Variants in MALRD1 observed in about 807,000 individuals in gnomAD.
MALRD1 encodes MAM and LDL-receptor class A domain-containing protein 1.
MALRD1 carries 247 observed loss-of-function variants against 242.1 expected under a neutral mutation model. The ratio of observed to expected loss-of-function variants is 1.02; its 90% confidence interval spans 0.92 to 1.13. The LOEUF (loss-of-function observed/expected upper bound fraction) is 1.13, where lower values mean the gene tolerates loss of function less well. MALRD1 is among the 50% of genes most tolerant of loss of function. The pLI is 0.00. For missense variants in MALRD1, 2,989 were observed against 2,533.1 expected (o/e 1.18, Z -3.86); for synonymous variants, 995 against 866.6 (o/e 1.15, Z -2.60).
At chr10:19,204,527 TA>T (rs1302010814) in intron 16 of MALRD1, 114 bp downstream of exon 16, 14 of 679,880 alleles carry the variant, frequency 2.1e-5, no homozygotes, top group Middle Eastern at 3.1e-4. Flanking sequence ...GGTTTTACTC[TA>T]AAAATAGTAT....
rs1280307480 is a variant in MALRD1, at chr10:19,152,252, A to C, written c.1559-2823A>C. Among the ~76,000 whole-genome samples, 3 of 152,202 alleles carry C rather than the reference A, an allele frequency of 2.0e-5. No individual in the cohort carries two copies. The East Asian group carries it at 5.8e-4, about 29-fold the overall frequency. On this transcript the variant is annotated intron_variant, in intron 11 of 39. Transcript: ENST00000454679. ...TTGGCTCATTGTTTAGAGCAGGCTG[A>C]TAGGAAGATAAATCAAGGGACGTGT... is the stretch of plus-strand genomic sequence containing the variant.
At chr10:19,291,910 C>T (rs910218133) in intron 21 of MALRD1, among the ~76,000 whole-genome samples, 18 of 151,366 alleles carry the variant, frequency 1.2e-4, no homozygotes, top group African/African-American at 3.9e-4. Flanking sequence ...CTTGGTGAAA[C>T]CCCATCTCTA....
intron 13 of MALRD1, among the ~76,000 whole-genome samples, chr10:19,167,997 G>A (rs1834772294): frequency 6.6e-6 from 1 of 152,158 alleles, no homozygotes; most frequent in Admixed American, 6.5e-5. Flanking sequence ...ACAGAATTCC[G>A]CTGTTTTTAT....
intron 14 of MALRD1, among the ~76,000 whole-genome samples, chr10:19,196,364 G>A (rs1405876780): frequency 6.6e-6 from 1 of 151,574 alleles, no homozygotes; most frequent in Non-Finnish European, 1.5e-5. Context: ...TTTTAACTCA[G>A]TCCAGTGAGG....
intron 28 of MALRD1, among the ~76,000 whole-genome samples, chr10:19,434,234 G>A (rs544418308): frequency 3.2e-4 from 49 of 152,164 alleles, no homozygotes; most frequent in Non-Finnish European, 4.7e-4. Flanking sequence ...TGTTTAAAAC[G>A]ATTTTATAAA....
At chr10:19,205,892 A>C (rs915297094) in intron 17 of MALRD1, among the ~76,000 whole-genome samples, 15 of 143,498 alleles carry the variant, frequency 1.0e-4, no homozygotes, top group Admixed American at 7.2e-4. Context: ...TGCGGAAAAT[A>C]AGTTAGAAGT....
At chr10:19,626,493 A>G (rs1010342292) in intron 36 of MALRD1, among the ~76,000 whole-genome samples, 1 of 152,002 alleles carries the variant, frequency 6.6e-6, no homozygotes, top group African/African-American at 2.4e-5. Flanking sequence ...TAGATTGAAA[A>G]CAGGGTTCAG....
chr10:19,614,244 T>C (rs963025317), intron 35 of MALRD1, among the ~76,000 whole-genome samples: 2 of 152,072 alleles, frequency 1.3e-5, no homozygotes, highest in Non-Finnish European at 2.9e-5. Flanking sequence ...ACTCAGCTAA[T>C]AAATTGAGCT....
rs953264973 is a variant in MALRD1 at position 19,171,839 on chromosome 10, CAT to C, written c.1831-3363_1831-3362del. ...TTGGTTATATATATACATATATACA[CAT>C]ATATACACATACATATATATACATA... On this transcript the variant is annotated intron_variant, in intron 13 of 39. Transcript: ENST00000454679. Among the ~76,000 whole-genome samples the C allele has an allele frequency of 5.6e-5, 8 of 142,670 alleles. No individual in the cohort carries two copies. The South Asian group carries it at 1.1e-3, about 19-fold the overall frequency. The allele number at this position is 142,670 out of a possible 152,430, so 93.6% of individuals were successfully genotyped here.
chr10:19,503,500 C>T (rs950298732), intron 31 of MALRD1, among the ~76,000 whole-genome samples: 4 of 152,202 alleles, frequency 2.6e-5, no homozygotes, highest in African/African-American at 7.2e-5. Context: ...AAACATCAGT[C>T]GACTCTCTGG....
intron 31 of MALRD1, among the ~76,000 whole-genome samples, chr10:19,500,432 G>T (rs2131253397): frequency 6.6e-6 from 1 of 152,252 alleles, no homozygotes; most frequent in South Asian, 2.1e-4. Context: ...TGGCATATCT[G>T]GTTATCCACC....
chr10:19,361,593 G>C (rs946589822), intron 26 of MALRD1, among the ~76,000 whole-genome samples: 1 of 152,080 alleles, frequency 6.6e-6, no homozygotes, highest in Non-Finnish European at 1.5e-5. Flanking sequence ...TTAACTGAAT[G>C]TTGGCTTATC....
chr10:19,119,409 A>C (rs1000939312), intron 5 of MALRD1, among the ~76,000 whole-genome samples: 6 of 152,118 alleles, frequency 3.9e-5, no homozygotes, highest in Non-Finnish European at 5.9e-5. Flanking sequence ...TTATCATGCA[A>C]ATCAGTCTCG....
intron 19 of MALRD1, among the ~76,000 whole-genome samples, chr10:19,269,802 A>G (rs1434106414): frequency 6.6e-6 from 1 of 152,248 alleles, no homozygotes; most frequent in Non-Finnish European, 1.5e-5. Context: ...AGTAATGAGA[A>G]TAGGACTAAG....
chr10:19,423,644 A>G (rs1431761656), intron 28 of MALRD1, among the ~76,000 whole-genome samples: 1 of 152,110 alleles, frequency 6.6e-6, no homozygotes, highest in African/African-American at 2.4e-5. Context: ...TGTATGTCAA[A>G]TGATGAGAGC....
chr10:19,280,981 C>T (rs562718597), intron 20 of MALRD1, among the ~76,000 whole-genome samples: 15 of 152,252 alleles, frequency 9.9e-5, no homozygotes, highest in Admixed American at 7.9e-4. Context: ...GGGCTTAGAA[C>T]AGACAGATAA....
intron 36 of MALRD1, among the ~76,000 whole-genome samples, chr10:19,624,386 T>G (rs5016624): frequency 0.97 from 147,021 of 152,158 alleles, 71,051 homozygotes; most frequent in East Asian, 1. Context: ...AAAGCTAAAG[T>G]AAAATGAAAA....
rs189932444 is a variant in MALRD1 at position 19,205,212 on chromosome 10, G to T, written c.2525G>T (p.Arg842Leu). 1 of 1,550,972 alleles carries T rather than the reference G, an allele frequency of 6.4e-7. No homozygotes were observed. The highest frequency in any genetic ancestry group is 8.7e-7 in the Non-Finnish European group (1 of 1,147,056). Residue 842 changes from arginine (R) to leucine (L), a missense_variant, in exon 17 of 40, where the codon CGG becomes CTG. Coordinates refer to ENST00000454679, the MANE Select transcript of MALRD1 (RefSeq NM_001142308.3). ...RHTRACIEKL[R>L]LCDLVDDCGD... ...ACCAGGGCTTGCATAGAAAAGCTTC[G>T]GTTATGTGATCTGGTGGATGACTGT...
At chr10:19,219,356 C>G (rs990766295) in intron 18 of MALRD1, among the ~76,000 whole-genome samples, 1 of 152,094 alleles carries the variant, frequency 6.6e-6, no homozygotes, top group Non-Finnish European at 1.5e-5. Flanking sequence ...TGTCTTAAAT[C>G]CTCTAGAATA....
Sources: gnomAD v4.1 joint callset for allele counts (sites outside exome capture counted in the v4.1 genomes callset) on GRCh38, gnomAD v4.1.1 for gene constraint, MANE v1.5 for transcripts, NCBI Gene and HGNC (gene_info 2026-07-23, HGNC 2026-07-21) for gene names.